The following RYR1 variants were observed in gnomAD, a reference collection of about 807,000 sequenced individuals.
RYR1 encodes the protein central core disease of muscle.
RYR1 carries 342 observed loss-of-function variants against 583.5 expected under a neutral mutation model. The ratio of observed to expected loss-of-function variants is 0.59; its 90% CI spans 0.54 to 0.64. The LOEUF is 0.64. RYR1 is among the 30% of genes least tolerant of loss of function. The pLI is 0.00. For synonymous variants in RYR1, 2,791 were observed against 2,822.5 expected, an observed-to-expected ratio of 0.99 and a Z score of 0.35; for missense variants, 6,032 against 6,917.2, an observed-to-expected ratio of 0.87 and a Z score of 4.54.
chr19:38,473,295 C>A, intron 27 of RYR1, 82 bp from the exon 28 acceptor site: 1 of 1,538,674 alleles, frequency 6.5e-7, no homozygotes, highest in Non-Finnish European at 9.0e-7. Flanking sequence ...CTAATGGTGG[C>A]TCCGTGTGTG....
At chr19:38,497,864 C>T (rs550076746) in intron 42 of RYR1, among the ~76,000 whole-genome samples, 36 of 152,138 alleles carry the variant, frequency 2.4e-4, no homozygotes, top group African/African-American at 8.2e-4. Context: ...GTCCCAGCTA[C>T]TCAGGAGGCT....
At chr19:38,524,170 T>C (rs1163893603) in intron 70 of RYR1, among the ~76,000 whole-genome samples, 2 of 142,596 alleles carry the variant, frequency 1.4e-5, no homozygotes, top group Middle Eastern at 3.6e-3. Context: ...CTTTTTTTTT[T>C]CTGGACTTTT....
chr19:38,472,381 A>G (rs1055215615), intron 27 of RYR1, among the ~76,000 whole-genome samples: 6 of 152,116 alleles, frequency 3.9e-5, no homozygotes, highest in Non-Finnish European at 5.9e-5. Flanking sequence ...GATTACAGGC[A>G]TGAGCCACTG....
At chr19:38,532,864 G>A in intron 78 of RYR1, 128 bp downstream of exon 78, 1 of 916,268 alleles carries the variant, frequency 1.1e-6, no homozygotes, top group Non-Finnish European at 1.7e-6. Context: ...TCAGTCCACT[G>A]GGGAGACAGA....
intron 31 of RYR1, among the ~76,000 whole-genome samples, chr19:38,480,613 T>G (rs1968960944): frequency 6.6e-6 from 1 of 152,108 alleles, no homozygotes; most frequent in African/African-American, 2.4e-5. Context: ...AAAAAAACAA[T>G]AGTTTCTAAA....
At chr19:38,550,598 C>A (rs1456332472) in intron 89 of RYR1, among the ~76,000 whole-genome samples, 1 of 152,012 alleles carries the variant, frequency 6.6e-6, no homozygotes, top group South Asian at 2.1e-4. Context: ...GCATCCTTGA[C>A]CCCCTGGGCT....
At chr19:38,533,511 G>A (rs1010432948) in intron 78 of RYR1, among the ~76,000 whole-genome samples, 2 of 152,114 alleles carry the variant, frequency 1.3e-5, no homozygotes. Flanking sequence ...AAGATCTAAG[G>A]CTGGGCGCAG....
rs1568506844 is a variant in RYR1 at position 38,502,810 on chromosome 19, G to GGGGC, written c.7836-70_7836-69insGGGC. 9.6e-3 allele frequency: 6,428 copies of GGGGC among 667,474 alleles called. 150 individuals are homozygous for GGGGC. Among genetic ancestry groups the GGGGC allele is most frequent in the Admixed American group, 0.022 (496 of 22,170 alleles). 41.3% of individuals were successfully genotyped at this position (667,474 alleles called of 1,614,324 possible). On this transcript the variant is annotated intron_variant, in intron 48 of 105. Transcript: ENST00000359596. ...GCAGGGGCAGGGGCAGGGGCAGGGG[G>GGGGC]AGGAGCAGGGGCAGGGGCAGCAGAG...
chr19:38,523,962 TC>T, intron 70 of RYR1, 33 bp downstream of exon 70: 1 of 1,613,064 alleles, frequency 6.2e-7, no homozygotes, highest in Non-Finnish European at 8.5e-7. Context: ...TCCGCATGTC[TC>T]TTGGCTAATG....
Position 38,499,301 on chromosome 19 carries a change from C to T in RYR1, c.7027+58C>T, listed in dbSNP as rs1600818601. 8.1e-6 allele frequency: 13 copies of T among 1,612,730 alleles called. No homozygotes were observed. In the East Asian group the frequency reaches 2.9e-4, roughly 36 times the overall value. On this transcript the variant is annotated intron_variant, in intron 43 of 105. Transcript: ENST00000359596. This position sits in a 1 kb window ranked among gnomAD's most constrained non-coding sequence, Gnocchi z 7.3. The stretch of plus-strand genomic sequence containing the variant: ...GTATGGAGTCACTGGTCACACACCT[C>T]CCTCGAGATGACTGCTCGCACCCTG...
chr19:38,582,095 GA>G (rs1211600442), intron 101 of RYR1, among the ~76,000 whole-genome samples: 11 of 152,048 alleles, frequency 7.2e-5, no homozygotes, highest in African/African-American at 2.7e-4. Flanking sequence ...GGCTATCGAA[GA>G]CTTAAAAGAC....
intron 33 of RYR1, among the ~76,000 whole-genome samples, chr19:38,484,415 C>T (rs890003362): frequency 1.3e-5 from 2 of 151,304 alleles, no homozygotes; most frequent in Admixed American, 6.6e-5. Flanking sequence ...TTCCTTCCTT[C>T]CTTCCCCTCT....
chr19:38,459,106 GGACCTGTGACGTCT>G (rs1471192825), intron 18 of RYR1, 26 bp from the exon 19 acceptor site: 34 of 1,547,700 alleles, frequency 2.2e-5, no homozygotes, highest in Non-Finnish European at 2.8e-5. Flanking sequence ...TGGTTCTGTG[GGACCTGTGACGTCT>G]GACCCATCTC....
At chr19:38,542,142 A>C (rs1972225853) in intron 84 of RYR1, among the ~76,000 whole-genome samples, 1 of 151,036 alleles carries the variant, frequency 6.6e-6, no homozygotes, top group Non-Finnish European at 1.5e-5. Flanking sequence ...AGAGCCTAGA[A>C]TACTGCATGA....
chr19:38,530,988 T>TC (rs1491561055), intron 76 of RYR1, among the ~76,000 whole-genome samples: 2 of 68,870 alleles, frequency 2.9e-5, no homozygotes, highest in South Asian at 6.8e-4. Flanking sequence ...TTTCTTTCTC[T>TC]TTTTTTTTTT....
Position 38,558,008 on chromosome 19 carries a change from T to A in RYR1, c.12283-3105T>A, listed in dbSNP as rs186093905. ...TAAAATAAAATAATACAATAAAATA[T>A]AAAATAAAATAAAATACTAGCCAGG... is the stretch of plus-strand genomic sequence containing the variant. On this transcript the variant is annotated intron_variant, in intron 89 of 105. Transcript: ENST00000359596. Among the ~76,000 whole-genome samples, 27 of 151,682 alleles carry A rather than the reference T, an allele frequency of 1.8e-4. No individual in the cohort carries two copies. The East Asian group carries it at 5.2e-3, about 29-fold the overall frequency.
intron 42 of RYR1, among the ~76,000 whole-genome samples, chr19:38,497,803 G>A (rs1313822522): frequency 2.0e-5 from 3 of 151,926 alleles, no homozygotes; most frequent in Non-Finnish European, 4.4e-5. Flanking sequence ...GGGACACCTT[G>A]TCTCTACAAA....
At chr19:38,585,882 G>T (rs897529981) in intron 102 of RYR1, 56 bp from the exon 103 acceptor site, 2 of 1,604,676 alleles carry the variant, frequency 1.2e-6, no homozygotes, top group East Asian at 4.5e-5. Context: ...AGCTGGAGAG[G>T]GGGGAGTCTG....
intron 101 of RYR1, among the ~76,000 whole-genome samples, chr19:38,580,939 G>A (rs1325033744): frequency 1.4e-5 from 2 of 140,752 alleles, no homozygotes; most frequent in Non-Finnish European, 3.0e-5. Context: ...TCACTGTGTT[G>A]CCAGGCTAGA....
Sources: allele counts gnomAD v4.1 joint callset (sites outside exome capture counted in the v4.1 genomes callset), GRCh38; gene constraint gnomAD v4.1.1; non-coding constraint Gnocchi (gnomAD v3.1); transcripts MANE v1.5; gene names NCBI Gene and HGNC (gene_info 2026-07-23, HGNC 2026-07-21).